Variants in ABCA5 observed in about 807,000 individuals in gnomAD.
ABCA5 encodes ATP binding cassette subfamily A member 5.
A neutral mutation model predicts 206.0 loss-of-function variants in ABCA5; 163 were observed. The ratio of observed to expected loss-of-function variants is 0.79; its 90% CI spans 0.70 to 0.90. The LOEUF (loss-of-function observed/expected upper bound fraction) is 0.90, where lower values mean the gene tolerates loss of function less well. Ranked by LOEUF, ABCA5 falls within the 40% of genes least tolerant of loss-of-function variation. ABCA5 has a pLI of 0.00. For synonymous variants in ABCA5, 609 were observed against 613.8 expected (o/e 0.99, Z 0.11); for missense variants, 1,859 against 1,912.9 (o/e 0.97, Z 0.53).
chr17:69,276,642 CG>C (rs1290248077), intron 19 of ABCA5, among the ~76,000 whole-genome samples: 1 of 151,918 alleles, frequency 6.6e-6, no homozygotes, highest in Admixed American at 6.6e-5. Flanking sequence ...CATCACACAC[CG>C]GGGCCTGTTG....
rs139558708 is a variant in ABCA5 at position 69,264,895 on chromosome 17, T to G, written c.3155A>C (p.Tyr1052Ser). ...ENAENHKIKAYTQLKLSGLLP... is the reference protein window; with the variant it reads ...ENAENHKIKASTQLKLSGLLP... The stretch of plus-strand genomic sequence containing the variant: ...AAGACCTGAAAGTTTAAGTTGAGTA[T>G]AAGCTTTGATCTAAAAAAAATGAAA... Residue 1052 changes from tyrosine to serine, a missense_variant, in exon 24 of 39, where the codon TAT becomes TCT. Coordinates refer to ENST00000392676, the MANE Select transcript of ABCA5 (RefSeq NM_172232.4). The G allele has an allele frequency of 9.9e-5, 150 of 1,522,794 alleles. No individual in the cohort carries two copies. Among genetic ancestry groups the G allele is most frequent in the Non-Finnish European group, 1.2e-4 (140 of 1,141,036 alleles). 94.3% of individuals were successfully genotyped at this position (1,522,794 alleles called of 1,614,324 possible).
chr17:69,248,297 CA>C lies in ABCA5; in HGVS notation c.4785del (p.Ile1595MetfsTer16). The C allele has an allele frequency of 1.9e-6, 3 of 1,567,488 alleles. No homozygotes were observed. The highest frequency in any genetic ancestry group is 2.6e-6 in the Non-Finnish European group (3 of 1,148,006). On this transcript the variant is annotated frameshift_variant, in exon 38 of 39. Coordinates refer to ENST00000392676, the MANE Select transcript of ABCA5 (RefSeq NM_172232.4). LOFTEE classifies it high-confidence loss of function. ...KLEEAKHAFA[I>X]EEYSFSQATL... ...GTTGCTTGAGAAAAGCTATATTCTT[CA>C]ATGGCAAAAGCATGTTTAGCTATTA...
At chr17:69,317,199 C>G (rs958317286) in intron 1 of ABCA5, 12 of 151,942 alleles carry the variant, frequency 7.9e-5, no homozygotes, top group African/African-American at 2.7e-4. Context: ...GGGTTTGAGA[C>G]CAGCTTGGCC....
At chr17:69,273,876 A>C in intron 20 of ABCA5, 83 bp downstream of exon 20, 1 of 1,312,852 alleles carries the variant, frequency 7.6e-7, no homozygotes, top group South Asian at 1.7e-5. Flanking sequence ...CCTTAAATAT[A>C]GTTTTAAAAT....
chr17:69,256,647 G>T (rs1048314544), intron 28 of ABCA5, among the ~76,000 whole-genome samples: 1 of 150,980 alleles, frequency 6.6e-6, no homozygotes, highest in African/African-American at 2.4e-5. Context: ...GTAGAGACAG[G>T]GTTTCACCAT....
intron 26 of ABCA5, 31 bp downstream of exon 26, chr17:69,261,094 T>C (rs1454905008): frequency 6.7e-7 from 1 of 1,486,572 alleles, no homozygotes; most frequent in African/African-American, 1.4e-5. Flanking sequence ...TTTTATGTTT[T>C]TTAACATATT....
intron 6 of ABCA5, 73 bp from the exon 7 acceptor site, chr17:69,304,883 A>C: frequency 1.5e-6 from 2 of 1,334,984 alleles, no homozygotes; most frequent in South Asian, 2.0e-5. Context: ...TTTTAAACAA[A>C]ATTTTTAGAT....
chr17:69,305,923 A>C (rs1411661352), intron 6 of ABCA5, among the ~76,000 whole-genome samples: 1 of 152,222 alleles, frequency 6.6e-6, no homozygotes, highest in Non-Finnish European at 1.5e-5. Context: ...AAGAAAAACA[A>C]GCAAAGGAAA....
intron 1 of ABCA5, among the ~76,000 whole-genome samples, chr17:69,316,573 G>A (rs2075818056): frequency 1.4e-5 from 2 of 144,942 alleles, no homozygotes; most frequent in Non-Finnish European, 3.0e-5. Context: ...TAAAAGGAGA[G>A]GAGAAAGAGT....
At chr17:69,268,404 T>C (rs2075235427) in intron 22 of ABCA5, among the ~76,000 whole-genome samples, 1 of 152,124 alleles carries the variant, frequency 6.6e-6, no homozygotes, top group South Asian at 2.1e-4. Flanking sequence ...ATGTCCACCA[T>C]AGTGGTCCTA....
Position 69,304,707 on chromosome 17 carries a change from C to T in ABCA5, c.892G>A (p.Val298Met). 6.2e-7 allele frequency: 1 copy of T among 1,604,476 alleles called. No individual in the cohort carries two copies. The highest frequency in any genetic ancestry group is 8.5e-7 in the Non-Finnish European group (1 of 1,175,540). ...TAAAGGAAAAAAAGCAGAAATATCA[C>T]AATGCTGCTACTTTGAGGAAATAAC... ...SLLFPQSSSI[V>M]IFLLFFLYGL... is the part of the protein sequence containing the mutation. The change falls in exon 7 of 39, where the codon GTG becomes ATG. Residue 298 changes from valine (V) to methionine (M), a missense_variant. By Grantham distance (21) the Val-to-Met change is conservative. Transcript: ENST00000392676.
intron 34 of ABCA5, among the ~76,000 whole-genome samples, chr17:69,252,400 G>A (rs553876078): frequency 6.6e-6 from 1 of 152,118 alleles, no homozygotes; most frequent in East Asian, 1.9e-4. Context: ...ATGTTAATAT[G>A]GGCTAAAAGT....
At chr17:69,267,094 C>T (rs1479895509) in intron 23 of ABCA5, among the ~76,000 whole-genome samples, 2 of 152,054 alleles carry the variant, frequency 1.3e-5, no homozygotes, top group East Asian at 3.9e-4. Flanking sequence ...AGGCTAGTCT[C>T]GAACTCCCAA....
intron 11 of ABCA5, among the ~76,000 whole-genome samples, chr17:69,293,164 T>TACACACACACACAC (rs141471808): frequency 6.0e-5 from 9 of 149,868 alleles, no homozygotes; most frequent in African/African-American, 2.2e-4. Flanking sequence ...ACCAACAGAA[T>TACACACACACACAC]ACACACACAC....
rs12452340 is a variant in ABCA5 at position 69,277,913 on chromosome 17, C to A, written c.2393-71G>T. 546,613 of 1,206,854 alleles carry A rather than the reference C, an allele frequency of 0.45. 126,849 individuals carry two copies. Among genetic ancestry groups the A allele is most frequent in the Middle Eastern group, 0.51 (1,881 of 3,698 alleles). The allele number at this position is 1,206,854 out of a possible 1,614,324, so 74.8% of individuals were successfully genotyped here. On this transcript the variant is annotated intron_variant, in intron 18 of 38. Transcript: ENST00000392676. ...AGATACAAACTTTCTGAAGCAGGAA[C>A]ATTTAAAGAAGCATTGGTCTGGCAG...
chr17:69,307,196 T>G (rs756971476), intron 5 of ABCA5, among the ~76,000 whole-genome samples: 1 of 150,598 alleles, frequency 6.6e-6, no homozygotes, highest in Non-Finnish European at 1.5e-5. Flanking sequence ...AGTGTATAAA[T>G]TTTGATTAAA....
rs4246423 is a variant in ABCA5 at position 69,287,977 on chromosome 17, C to T, written c.1903-226G>A. On this transcript the variant is annotated intron_variant, in intron 14 of 38. Coordinates refer to ENST00000392676, the MANE Select transcript of ABCA5 (RefSeq NM_172232.4). ...TAATTCTAAAAGACTGCCTGTAATACACAAGACAAAAGTATAACAACAGTC... is the reference window on the plus strand; with the variant it reads ...TAATTCTAAAAGACTGCCTGTAATATACAAGACAAAAGTATAACAACAGTC... 0.16 allele frequency among the ~76,000 whole-genome samples: 24,041 copies of T among 151,960 alleles called. 2,054 individuals carry two copies. The highest frequency in any genetic ancestry group is 0.22 in the African/African-American group (9,062 of 41,434).
intron 19 of ABCA5, among the ~76,000 whole-genome samples, chr17:69,276,526 C>A (rs1241026262): frequency 6.6e-6 from 1 of 152,174 alleles, no homozygotes; most frequent in South Asian, 2.1e-4. Flanking sequence ...AAGCTGGAAA[C>A]CATCATTCTC....
Position 69,259,700 on chromosome 17 carries a change from A to G in ABCA5, c.3731+6T>C. ...AACATTTAAAATTTTTAAAAAATCA[A>G]CTGACCTGAAAAAGGGATCTTTTCT... On this transcript the variant is annotated splice_donor_region_variant and intron_variant, in intron 28 of 38. Coordinates refer to ENST00000392676, the MANE Select transcript of ABCA5 (RefSeq NM_172232.4). 1.3e-6 allele frequency: 2 copies of G among 1,571,236 alleles called. No homozygotes were observed. Among genetic ancestry groups the G allele is most frequent in the Non-Finnish European group, 1.7e-6 (2 of 1,146,690 alleles).
Sources: gnomAD v4.1 joint callset for allele counts (sites outside exome capture counted in the v4.1 genomes callset) on GRCh38, gnomAD v4.1.1 for gene constraint, MANE v1.5 for transcripts, NCBI Gene and HGNC (gene_info 2026-07-23, HGNC 2026-07-21) for gene names.